CYLC2: variants seen among roughly 807,000 people sequenced by gnomAD.
The protein encoded by CYLC2 is cylicin 2.
A neutral mutation model predicts 26.1 loss-of-function variants in CYLC2; 30 were observed. The observed-to-expected ratio is 1.15, with a 90% confidence interval of 0.86 to 1.56. The LOEUF (loss-of-function observed/expected upper bound fraction) is 1.56, where lower values mean the gene tolerates loss of function less well. Among genes scored for constraint, CYLC2 ranks in the 40% most tolerant of loss-of-function variants. CYLC2 has a pLI of 0.00. For missense variants in CYLC2, 498 were observed against 394.4 expected, an observed-to-expected ratio of 1.26 and a Z score of -2.23; for synonymous variants, 158 against 132.8, an observed-to-expected ratio of 1.19 and a Z score of -1.31.
At chr9:103,014,550 G>A (rs1219165302) in intron 6 of CYLC2, among the ~76,000 whole-genome samples, 2 of 137,640 alleles carry the variant, frequency 1.5e-5, no homozygotes, top group Admixed American at 1.5e-4. Flanking sequence ...TGTATATTAT[G>A]CAGTATACAT....
At chr9:103,018,172 T>A (rs1564102397) in intron 7 of CYLC2, among the ~76,000 whole-genome samples, 153 bp from the exon 8 acceptor site, 2 of 152,062 alleles carry the variant, frequency 1.3e-5, no homozygotes, top group Admixed American at 1.3e-4. Context: ...TGGTAGAAAC[T>A]CTAATTTGTT....
Position 103,017,466 on chromosome 9 carries a change from T to A in CYLC2, c.*890+505T>A, listed in dbSNP as rs549091486. Among the ~76,000 whole-genome samples, 102 of 152,194 alleles carry A rather than the reference T, an allele frequency of 6.7e-4. No individual in the cohort carries two copies. In the South Asian group the frequency reaches 0.019, roughly 29 times the overall value. On this transcript the variant is annotated intron_variant, in intron 7 of 7. Transcript: ENST00000374798. Reference sequence around the variant, plus strand: ...TTTAGTTAATTGCTCCTAATTTGGTTTACTGAATAAATTGATCTGAAATAA... The same window carrying A: ...TTTAGTTAATTGCTCCTAATTTGGTATACTGAATAAATTGATCTGAAATAA...
chr9:103,003,392 T>C, intron 3 of CYLC2, 129 bp downstream of exon 3: 1 of 823,008 alleles, frequency 1.2e-6, no homozygotes, highest in Non-Finnish European at 1.8e-6. Flanking sequence ...TCATGTATAG[T>C]TGTATGTGTT....
At chr9:103,002,911 T>A (rs1391510305) in intron 2 of CYLC2, among the ~76,000 whole-genome samples, 1 of 152,130 alleles carries the variant, frequency 6.6e-6, no homozygotes, top group East Asian at 1.9e-4. Context: ...GTTATGCTAG[T>A]TTTGCAATGA....
intron 1 of CYLC2, among the ~76,000 whole-genome samples, chr9:102,999,027 C>T (rs1829263186): frequency 6.6e-6 from 1 of 151,744 alleles, no homozygotes; most frequent in African/African-American, 2.4e-5. Flanking sequence ...TTGATGGACA[C>T]TTGAGTTGCT....
intron 6 of CYLC2, among the ~76,000 whole-genome samples, chr9:103,015,400 C>T (rs1350271830): frequency 9.1e-6 from 1 of 110,324 alleles, no homozygotes; most frequent in Non-Finnish European, 1.8e-5. Context: ...TATATATATG[C>T]TTATTATATA....
At chr9:103,013,771 A>C (rs1409717420) in intron 6 of CYLC2, among the ~76,000 whole-genome samples, 1 of 109,268 alleles carries the variant, frequency 9.2e-6, no homozygotes, top group Non-Finnish European at 1.6e-5. Flanking sequence ...TATATTTTAT[A>C]TTATATATTA....
chr9:103,004,581 T>A, intron 3 of CYLC2, 114 bp from the exon 4 acceptor site: 1 of 781,710 alleles, frequency 1.3e-6, no homozygotes, highest in Non-Finnish European at 1.9e-6. Context: ...TCCCCATTTT[T>A]TAACAAAAGC....
intron 5 of CYLC2, among the ~76,000 whole-genome samples, chr9:103,009,963 C>T (rs1215716164): frequency 1.4e-5 from 2 of 143,610 alleles, no homozygotes; most frequent in South Asian, 4.5e-4. Flanking sequence ...TATATGTGTA[C>T]ACATTGAATT....
At chr9:103,002,285 C>T (rs1279662860) in intron 2 of CYLC2, among the ~76,000 whole-genome samples, 1 of 150,636 alleles carries the variant, frequency 6.6e-6, no homozygotes, top group Admixed American at 6.6e-5. Context: ...ATTCTGTAGG[C>T]TTTTTGTCAT....
At chr9:102,997,381 C>A (rs567999319) in intron 1 of CYLC2, among the ~76,000 whole-genome samples, 2 of 151,748 alleles carry the variant, frequency 1.3e-5, no homozygotes, top group Non-Finnish European at 2.9e-5. Context: ...GTGAGGAGTT[C>A]GAAATAAATC....
At chr9:103,003,552 T>C (rs564877132) in intron 3 of CYLC2, among the ~76,000 whole-genome samples, 1 of 152,196 alleles carries the variant, frequency 6.6e-6, no homozygotes, top group Non-Finnish European at 1.5e-5. Context: ...TAAATTCACA[T>C]GTGGCTATGA....
rs924758805 is a variant in CYLC2 at position 103,005,507 on chromosome 9, TAAG to T, written c.880_882del (p.Lys294del). 1 of 1,613,162 alleles carries T rather than the reference TAAG, an allele frequency of 6.2e-7. No homozygotes were observed. Among genetic ancestry groups the T allele is most frequent in the Non-Finnish European group, 8.5e-7 (1 of 1,179,602 alleles). On this transcript the variant is annotated inframe_deletion, in exon 5 of 8. Coordinates refer to ENST00000374798, the MANE Select transcript of CYLC2 (RefSeq NM_001340.5). The stretch of plus-strand genomic sequence containing the variant: ...CAAAGGATGATGTCAAGAAAGAGTC[TAAG>T]AAGGACGCCACGAAAGATGCCAAGA...
chr9:103,015,307 A>G (rs1829488220), intron 6 of CYLC2, among the ~76,000 whole-genome samples: 2 of 131,002 alleles, frequency 1.5e-5, no homozygotes, highest in African/African-American at 5.6e-5. Context: ...ATGTTATAAT[A>G]TATATTATAT....
intron 4 of CYLC2, 52 bp downstream of exon 4, chr9:103,004,903 T>A: frequency 6.3e-7 from 1 of 1,576,074 alleles, no homozygotes; most frequent in South Asian, 1.2e-5. Flanking sequence ...CTGATTAGAT[T>A]TCTATTAGAA....
Position 103,005,143 on chromosome 9 carries a change from G to T in CYLC2, c.512G>T (p.Gly171Val). ...SKKGKKDAEK[G>V]KDSATESEDE... Reference sequence around the variant, plus strand: ...AAAGGTAAAAAGGATGCAGAGAAGGGCAAAGACTCAGCAACAGAATCTGAA... The same window carrying T: ...AAAGGTAAAAAGGATGCAGAGAAGGTCAAAGACTCAGCAACAGAATCTGAA... Residue 171 changes from glycine to valine, a missense_variant, in exon 5 of 8, where the codon GGC (glycine) becomes GTC (valine). Physicochemically the swap from Gly to Val is moderately radical, Grantham distance 109. Coordinates refer to ENST00000374798, the MANE Select transcript of CYLC2 (RefSeq NM_001340.5). 6.2e-7 allele frequency: 1 copy of T among 1,606,908 alleles called. No homozygotes were observed. The highest frequency in any genetic ancestry group is 1.1e-5 in the South Asian group (1 of 90,212).
At chr9:103,013,127 A>G (rs1829426463) in intron 6 of CYLC2, among the ~76,000 whole-genome samples, 2 of 135,466 alleles carry the variant, frequency 1.5e-5, no homozygotes, top group East Asian at 2.0e-4. Flanking sequence ...ATATAAAAAT[A>G]TATATCATAT....
chr9:103,007,926 T>C (rs115478351), intron 5 of CYLC2, among the ~76,000 whole-genome samples: 1,937 of 152,198 alleles, frequency 0.013, 45 homozygotes, highest in African/African-American at 0.045. Context: ...TCAGTGGTTA[T>C]TGTAACTCCT....
chr9:103,003,960 T>C (rs1219162925), intron 3 of CYLC2, among the ~76,000 whole-genome samples: 2 of 152,194 alleles, frequency 1.3e-5, no homozygotes, highest in Non-Finnish European at 1.5e-5. Context: ...AAATGTATCA[T>C]TAACTTGTTT....
Sources: allele counts gnomAD v4.1 joint callset (sites outside exome capture counted in the v4.1 genomes callset), GRCh38; gene constraint gnomAD v4.1.1; transcripts MANE v1.5; gene names NCBI Gene and HGNC (gene_info 2026-07-23, HGNC 2026-07-21).